The following DYRK1A variants were observed in gnomAD, a reference collection of about 807,000 sequenced individuals.
DYRK1A encodes the protein dual specificity tyrosine-phosphorylation-regulated kinase 1A.
DYRK1A carries 9 observed loss-of-function variants against 79.7 expected under a neutral mutation model. The observed-to-expected ratio is 0.11, with a 90% CI of 0.07 to 0.20. DYRK1A has a LOEUF of 0.20. DYRK1A is among the 10% of genes least tolerant of loss of function. The pLI, the probability that DYRK1A is intolerant of heterozygous loss-of-function variation, is 1.00. For missense variants in DYRK1A, 622 were observed against 956.0 expected, an observed-to-expected ratio of 0.65 and a Z score of 4.61; for synonymous variants, 349 against 329.7, an observed-to-expected ratio of 1.06 and a Z score of -0.63.
At chr21:37,409,414 CT>C (rs1485045491) in intron 1 of DYRK1A, among the ~76,000 whole-genome samples, 1 of 151,988 alleles carries the variant, frequency 6.6e-6, no homozygotes, top group Non-Finnish European at 1.5e-5. Flanking sequence ...ACGCTAAGCA[CT>C]TTTTTGGGTC....
intron 2 of DYRK1A, among the ~76,000 whole-genome samples, chr21:37,436,820 C>T (rs1345067878): frequency 6.6e-6 from 1 of 152,078 alleles, no homozygotes; most frequent in Non-Finnish European, 1.5e-5. Flanking sequence ...CTTTATTCAA[C>T]CAGTCAGAGG....
At chr21:37,415,257 A>T (rs1476782232) in intron 1 of DYRK1A, among the ~76,000 whole-genome samples, 1 of 152,148 alleles carries the variant, frequency 6.6e-6, no homozygotes, top group Non-Finnish European at 1.5e-5. Flanking sequence ...AGTTCTTTTC[A>T]CATAATTGCA....
chr21:37,511,192 TG>T (rs2148660862), intron 11 of DYRK1A, among the ~76,000 whole-genome samples: 1 of 152,312 alleles, frequency 6.6e-6, no homozygotes, highest in East Asian at 1.9e-4. Flanking sequence ...GTTAGAGAAG[TG>T]GGCATTGGCC....
At chr21:37,470,787 T>A (rs2052195539) in intron 2 of DYRK1A, among the ~76,000 whole-genome samples, 1 of 152,250 alleles carries the variant, frequency 6.6e-6, no homozygotes, top group South Asian at 2.1e-4. Flanking sequence ...TTTGTGCACA[T>A]CATTGATTAT....
chr21:37,430,630 C>T (rs923189246), intron 2 of DYRK1A, among the ~76,000 whole-genome samples: 9 of 152,156 alleles, frequency 5.9e-5, no homozygotes, highest in African/African-American at 1.7e-4. Flanking sequence ...AGGCAGGCTT[C>T]AGTTTATTTA....
At chr21:37,449,947 A>G (rs550434763) in intron 2 of DYRK1A, among the ~76,000 whole-genome samples, 1 of 152,328 alleles carries the variant, frequency 6.6e-6, no homozygotes, top group Non-Finnish European at 1.5e-5. Flanking sequence ...GCTGGAAACT[A>G]TGCTGGAAAA....
intron 2 of DYRK1A, among the ~76,000 whole-genome samples, chr21:37,461,716 C>T (rs2051843801): frequency 6.6e-6 from 1 of 152,142 alleles, no homozygotes; most frequent in Admixed American, 6.5e-5. Context: ...TGGCGGTGCA[C>T]ATGGTTTCTG....
intron 1 of DYRK1A, among the ~76,000 whole-genome samples, chr21:37,415,117 C>G (rs1357319851): frequency 6.6e-6 from 1 of 152,138 alleles, no homozygotes; most frequent in Non-Finnish European, 1.5e-5. Context: ...CGTCCAAATA[C>G]TCAGTGCCTG....
At chr21:37,437,405 G>A (rs1469754313) in intron 2 of DYRK1A, among the ~76,000 whole-genome samples, 1 of 152,110 alleles carries the variant, frequency 6.6e-6, no homozygotes, top group Non-Finnish European at 1.5e-5. Flanking sequence ...TGGAGTGGAG[G>A]GAAGGGATTG....
At chr21:37,381,263 T>G (rs534812064) in intron 1 of DYRK1A, among the ~76,000 whole-genome samples, 2 of 152,288 alleles carry the variant, frequency 1.3e-5, no homozygotes, top group East Asian at 3.9e-4. Flanking sequence ...ATATGAGAGC[T>G]TTGAGGAAAA....
chr21:37,431,982 C>T (rs1389492609), intron 2 of DYRK1A, among the ~76,000 whole-genome samples: 1 of 152,090 alleles, frequency 6.6e-6, no homozygotes, highest in Non-Finnish European at 1.5e-5. Context: ...TGGATAAGTA[C>T]AGTACAAAAA....
At chr21:37,444,708 G>A (rs1482456437) in intron 2 of DYRK1A, among the ~76,000 whole-genome samples, 1 of 152,166 alleles carries the variant, frequency 6.6e-6, no homozygotes, top group Non-Finnish European at 1.5e-5. Context: ...GAGAAGTCAG[G>A]CATTTGGTGG....
At chr21:37,492,880 A>G (rs1331078911) in intron 7 of DYRK1A, 137 bp from the exon 8 acceptor site, 10 of 623,884 alleles carry the variant, frequency 1.6e-5, no homozygotes, top group Non-Finnish European at 2.4e-5. Context: ...TCGTAGTCTA[A>G]TGTTGAAGTT....
chr21:37,473,588 A>G (rs1418818973), intron 3 of DYRK1A, among the ~76,000 whole-genome samples: 2 of 152,242 alleles, frequency 1.3e-5, no homozygotes, highest in Non-Finnish European at 2.9e-5. Flanking sequence ...ATGAGCACTG[A>G]AAATGGCTGC....
At chr21:37,472,986 T>A in intron 3 of DYRK1A, 106 bp downstream of exon 3, 1 of 875,700 alleles carries the variant, frequency 1.1e-6, no homozygotes, top group Non-Finnish European at 1.6e-6. Flanking sequence ...CAGTTTTACA[T>A]GCAACGTGGG....
At chr21:37,486,903 C>G (rs1031222533) in intron 6 of DYRK1A, 2 of 209,026 alleles carry the variant, frequency 9.6e-6, no homozygotes, top group African/African-American at 4.6e-5. Context: ...AATAATGATG[C>G]ATGTTTATCC....
At chr21:37,432,834 G>A (rs1287358604) in intron 2 of DYRK1A, among the ~76,000 whole-genome samples, 1 of 151,840 alleles carries the variant, frequency 6.6e-6, no homozygotes, top group Non-Finnish European at 1.5e-5. Context: ...GTTTTAGTCT[G>A]GTGTGGTGGT....
chr21:37,487,644 G>A (rs912617397), intron 6 of DYRK1A: 18 of 152,034 alleles, frequency 1.2e-4, no homozygotes, highest in African/African-American at 4.3e-4. Context: ...TTAAGAAAAC[G>A]TTATGATTCT....
At chr21:37,434,694 T>C (rs1027715210) in intron 2 of DYRK1A, among the ~76,000 whole-genome samples, 1 of 152,182 alleles carries the variant, frequency 6.6e-6, no homozygotes, top group Non-Finnish European at 1.5e-5. Flanking sequence ...CTTAATTGGG[T>C]TTTATTTTAA....
Sources: allele counts gnomAD v4.1 joint callset (sites outside exome capture counted in the v4.1 genomes callset), GRCh38; gene constraint gnomAD v4.1.1; transcripts MANE v1.5; gene names NCBI Gene and HGNC (gene_info 2026-07-23, HGNC 2026-07-21).